Variants in DAAM2 observed in about 807,000 individuals in gnomAD.
DAAM2 encodes the protein dishevelled associated activator of morphogenesis 2.
Under a neutral mutation model 120.7 loss-of-function variants are expected in DAAM2, and 39 were observed. That is an observed-to-expected ratio of 0.32 (90% CI 0.25 to 0.42). DAAM2 has a LOEUF of 0.42. DAAM2 is among the 10% of genes least tolerant of loss of function. The pLI, the probability that DAAM2 is intolerant of heterozygous loss-of-function variation, is 1.00. For synonymous variants in DAAM2, 488 were observed against 524.9 expected (o/e 0.93, Z 0.96); for missense variants, 1,283 against 1,401.7 (o/e 0.92, Z 1.35).
intron 1 of DAAM2, among the ~76,000 whole-genome samples, chr6:39,844,396 C>T (rs1241327273): frequency 6.6e-6 from 1 of 151,512 alleles, no homozygotes; most frequent in South Asian, 2.1e-4. Context: ...ACACACACCC[C>T]ACCCAGAGCT....
intron 1 of DAAM2, among the ~76,000 whole-genome samples, chr6:39,816,414 G>A (rs1762311400): frequency 6.6e-6 from 1 of 152,140 alleles, no homozygotes; most frequent in African/African-American, 2.4e-5. Flanking sequence ...CTTGGTTGTG[G>A]GGGGGCTATC....
At chr6:39,813,666 G>C (rs931704013) in intron 1 of DAAM2, among the ~76,000 whole-genome samples, 1 of 152,092 alleles carries the variant, frequency 6.6e-6, no homozygotes, top group Non-Finnish European at 1.5e-5. Flanking sequence ...AGCCCATCAC[G>C]GGGCACTGAA....
chr6:39,825,009 C>T (rs1352197501), intron 1 of DAAM2, among the ~76,000 whole-genome samples: 3 of 152,228 alleles, frequency 2.0e-5, no homozygotes, highest in Non-Finnish European at 4.4e-5. Flanking sequence ...TTCAGAGGGG[C>T]CCAGGTAGCT....
chr6:39,807,255 G>A (rs1384371103), intron 1 of DAAM2, among the ~76,000 whole-genome samples: 6 of 150,776 alleles, frequency 4.0e-5, no homozygotes, highest in East Asian at 1.9e-4. Context: ...TCTCAGAAAC[G>A]ATATGAAGTG....
intron 1 of DAAM2, among the ~76,000 whole-genome samples, chr6:39,804,768 A>C (rs1761962790): frequency 6.6e-6 from 1 of 152,192 alleles, no homozygotes. Context: ...TACCAGATTG[A>C]AGTGAGCCGG....
intron 1 of DAAM2, among the ~76,000 whole-genome samples, chr6:39,805,254 T>C (rs1450691994): frequency 6.6e-6 from 1 of 152,172 alleles, no homozygotes; most frequent in Admixed American, 6.5e-5. Flanking sequence ...AAATTCAAAT[T>C]TCACCACTTG....
chr6:39,889,810 A>G (rs752694436), intron 17 of DAAM2, among the ~76,000 whole-genome samples: 1 of 152,212 alleles, frequency 6.6e-6, no homozygotes, highest in Non-Finnish European at 1.5e-5. Flanking sequence ...TAAGCTAAAG[A>G]AAAGAAAACG....
At chr6:39,891,251 C>A in intron 17 of DAAM2, 90 bp from the exon 18 acceptor site, 1 of 1,025,078 alleles carries the variant, frequency 9.8e-7, no homozygotes, top group Non-Finnish European at 1.5e-6. Flanking sequence ...CCCTCCCCAT[C>A]TTGACCCAAG....
At chr6:39,868,069 A>G in intron 6 of DAAM2, 1 of 554,120 alleles carries the variant, frequency 1.8e-6, no homozygotes, top group Non-Finnish European at 3.2e-6. Flanking sequence ...TGGGAAATGG[A>G]CTTGTCTTCC....
At chr6:39,864,362 A>G in intron 3 of DAAM2, 71 bp from the exon 4 acceptor site, 1 of 1,205,420 alleles carries the variant, frequency 8.3e-7, no homozygotes. Flanking sequence ...CTGACACGGA[A>G]TGAAGCTCAG....
chr6:39,830,044 G>A (rs976012432), intron 1 of DAAM2, among the ~76,000 whole-genome samples: 3 of 151,674 alleles, frequency 2.0e-5, no homozygotes, highest in Admixed American at 6.6e-5. Flanking sequence ...CCACTACCCC[G>A]GCCTGCTCAC....
intron 1 of DAAM2, among the ~76,000 whole-genome samples, chr6:39,812,763 C>T (rs1762202093): frequency 2.0e-5 from 3 of 152,124 alleles, no homozygotes; most frequent in Admixed American, 2.0e-4. Context: ...TTCCTGCCTG[C>T]CTCTGTCCTC....
intron 1 of DAAM2, among the ~76,000 whole-genome samples, chr6:39,845,211 T>C (rs1430653968): frequency 7.5e-5 from 2 of 26,722 alleles, no homozygotes; most frequent in African/African-American, 2.8e-4. Context: ...ACATAAACCA[T>C]CTACACACAC....
intron 1 of DAAM2, among the ~76,000 whole-genome samples, chr6:39,843,887 G>A (rs1469718679): frequency 6.6e-6 from 1 of 152,158 alleles, no homozygotes; most frequent in Non-Finnish European, 1.5e-5. Flanking sequence ...CTGTGGGGAT[G>A]CGTGTGGTGT....
intron 1 of DAAM2, among the ~76,000 whole-genome samples, chr6:39,794,825 A>G (rs1186355059): frequency 6.6e-6 from 1 of 152,224 alleles, no homozygotes; most frequent in Non-Finnish European, 1.5e-5. Flanking sequence ...ACTAGAGCCA[A>G]TGGAAGTAAC....
In DAAM2 at chr6:39,884,081, T is replaced by C. The variant is rs375204430; in HGVS notation, c.1953+12T>C. On this transcript the variant is annotated intron_variant, in intron 15 of 24. Coordinates refer to ENST00000274867, the MANE Select transcript of DAAM2 (RefSeq NM_001201427.2). ...ACCAGAGGCACCAGGTAAGACCCTA[T>C]ACCCTCTGGCCTCTTGGACCATACC... 3 of 1,448,266 alleles carry C rather than the reference T, an allele frequency of 2.1e-6. No individual in the cohort carries two copies. The highest frequency in any genetic ancestry group is 2.9e-6 in the Non-Finnish European group (3 of 1,035,162). 89.7% of individuals were successfully genotyped at this position (1,448,266 alleles called of 1,614,324 possible).
chr6:39,904,331 T>C lies in DAAM2; in HGVS notation c.*2294T>C, dbSNP rs1289597141. On this transcript the variant is annotated 3_prime_UTR_variant, in exon 25 of 25. Transcript: ENST00000274867. ...GTGGCTCTGGTGCTAGATGCCACTG[T>C]AGCCAGATCTCCAACAGTGCCTTGG... 2 of 456,754 alleles carry C rather than the reference T, an allele frequency of 4.4e-6. No homozygotes were observed. The highest frequency in any genetic ancestry group is 4.4e-6 in the Non-Finnish European group (1 of 226,980). The allele number at this position is 456,754 out of a possible 1,614,324, so 28.3% of individuals were successfully genotyped here.
At chr6:39,883,903 A>G (rs2504082) in intron 14 of DAAM2, 59 bp from the exon 15 acceptor site, 468,511 of 1,100,156 alleles carry the variant, frequency 0.43, 102,470 homozygotes, top group African/African-American at 0.52. Context: ...GGAGGCATGG[A>G]GCATCTTCAT....
At chr6:39,863,494 CAG>C (rs1764299450) in intron 3 of DAAM2, among the ~76,000 whole-genome samples, 1 of 151,924 alleles carries the variant, frequency 6.6e-6, no homozygotes, top group African/African-American at 2.4e-5. Context: ...TGGCAGCTGG[CAG>C]AGAGGTGTTT....
Sources: allele counts gnomAD v4.1 joint callset (sites outside exome capture counted in the v4.1 genomes callset), GRCh38; gene constraint gnomAD v4.1.1; transcripts MANE v1.5; gene names NCBI Gene and HGNC (gene_info 2026-07-23, HGNC 2026-07-21).